The following NKAIN2 variants were observed in gnomAD, a reference collection of about 807,000 sequenced individuals.
NKAIN2 encodes the protein sodium/potassium-transporting ATPase subunit beta-1-interacting protein 2.
In NKAIN2, 14 loss-of-function variants were observed where a neutral mutation model predicts 32.6. That is an observed-to-expected ratio of 0.43 (90% CI 0.28 to 0.67). The LOEUF is 0.67. NKAIN2 is among the 30% of genes least tolerant of loss of function. The pLI is 0.17. For missense variants in NKAIN2, 198 were observed against 258.3 expected, an observed-to-expected ratio of 0.77 and a Z score of 1.60; for synonymous variants, 80 against 87.2, an observed-to-expected ratio of 0.92 and a Z score of 0.46.
intron 2 of NKAIN2, among the ~76,000 whole-genome samples, chr6:124,308,941 G>A (rs1475065212): frequency 2.0e-5 from 3 of 152,086 alleles, no homozygotes; most frequent in African/African-American, 7.2e-5. Flanking sequence ...TCTACAATTT[G>A]GAGTTTTAAA....
chr6:124,363,126 C>T (rs748264950), intron 3 of NKAIN2, among the ~76,000 whole-genome samples: 3 of 152,100 alleles, frequency 2.0e-5, no homozygotes, highest in Non-Finnish European at 2.9e-5. Flanking sequence ...TGAGCCACCA[C>T]GCTCAGCCAG....
At chr6:123,994,751 G>A (rs533195031) in intron 1 of NKAIN2, among the ~76,000 whole-genome samples, 3 of 152,234 alleles carry the variant, frequency 2.0e-5, no homozygotes, top group South Asian at 2.1e-4. Flanking sequence ...CGTATTAAAT[G>A]TGATATCCCT....
intron 1 of NKAIN2, among the ~76,000 whole-genome samples, chr6:123,905,802 A>G (rs1486390817): frequency 1.4e-4 from 22 of 152,224 alleles, no homozygotes; most frequent in Non-Finnish European, 1.5e-5. Flanking sequence ...TGTAACTAAG[A>G]CAGGAATCTC....
intron 3 of NKAIN2, among the ~76,000 whole-genome samples, chr6:124,430,484 C>T (rs1165607110): frequency 1.3e-5 from 2 of 152,106 alleles, no homozygotes; most frequent in African/African-American, 4.8e-5. Context: ...GTTTGGCCTG[C>T]AGTCTTCTAA....
chr6:124,302,011 T>C (rs1407508500), intron 2 of NKAIN2, among the ~76,000 whole-genome samples: 1 of 152,094 alleles, frequency 6.6e-6, no homozygotes, highest in Non-Finnish European at 1.5e-5. Context: ...CCGACCCAAA[T>C]CTCACCTTGA....
At chr6:123,979,185 G>A (rs559236352) in intron 1 of NKAIN2, among the ~76,000 whole-genome samples, 1 of 152,138 alleles carries the variant, frequency 6.6e-6, no homozygotes, top group African/African-American at 2.4e-5. Context: ...TGGGCAATGT[G>A]TAACTCTTAA....
chr6:124,055,916 G>A (rs1278644152), intron 1 of NKAIN2, among the ~76,000 whole-genome samples: 2 of 152,018 alleles, frequency 1.3e-5, no homozygotes, highest in Non-Finnish European at 2.9e-5. Flanking sequence ...AACTAAAATG[G>A]TTGAATTTGT....
intron 1 of NKAIN2, among the ~76,000 whole-genome samples, chr6:123,899,836 G>A (rs577981285): frequency 1.3e-5 from 2 of 152,254 alleles, no homozygotes; most frequent in East Asian, 3.9e-4. Flanking sequence ...CACACACAGG[G>A]TGCAGCCCTA....
At chr6:124,165,852 T>A (rs1788510459) in intron 1 of NKAIN2, among the ~76,000 whole-genome samples, 1 of 137,216 alleles carries the variant, frequency 7.3e-6, no homozygotes, top group Admixed American at 7.7e-5. Context: ...GAACTCATCA[T>A]TTTTTATGGC....
intron 1 of NKAIN2, among the ~76,000 whole-genome samples, chr6:124,236,909 G>A (rs925426059): frequency 2.6e-5 from 4 of 152,176 alleles, no homozygotes; most frequent in African/African-American, 9.6e-5. Flanking sequence ...CTCTGATGTG[G>A]AGAAAGACAG....
intron 4 of NKAIN2, among the ~76,000 whole-genome samples, chr6:124,708,677 T>G (rs1251276143): frequency 6.6e-6 from 1 of 152,176 alleles, no homozygotes; most frequent in East Asian, 1.9e-4. Context: ...GTGATTTTTG[T>G]ACATTGATTT....
At chr6:124,249,243 A>C (rs1171146808) in intron 1 of NKAIN2, among the ~76,000 whole-genome samples, 1 of 152,116 alleles carries the variant, frequency 6.6e-6, no homozygotes, top group Non-Finnish European at 1.5e-5. Flanking sequence ...AAATGGTAGT[A>C]CCAGGATACA....
chr6:124,546,455 ACCT>A (rs1780097315), intron 3 of NKAIN2, among the ~76,000 whole-genome samples: 1 of 152,014 alleles, frequency 6.6e-6, no homozygotes, highest in Non-Finnish European at 1.5e-5. Flanking sequence ...GGATTCATTC[ACCT>A]CCTGCTTCAG....
intron 1 of NKAIN2, among the ~76,000 whole-genome samples, chr6:124,144,295 A>G (rs1239769409): frequency 6.6e-6 from 1 of 152,208 alleles, no homozygotes; most frequent in East Asian, 1.9e-4. Context: ...CAAGAGAGAG[A>G]CTAACAAGTC....
At chr6:124,181,446 T>C (rs1420910049) in intron 1 of NKAIN2, among the ~76,000 whole-genome samples, 1 of 152,208 alleles carries the variant, frequency 6.6e-6, no homozygotes, top group Admixed American at 6.5e-5. Flanking sequence ...AAATGGGTTT[T>C]TGTTTTCTAC....
chr6:124,307,815 T>A (rs73571130), intron 2 of NKAIN2, among the ~76,000 whole-genome samples: 20,151 of 152,032 alleles, frequency 0.13, 1,501 homozygotes, highest in East Asian at 0.24. Flanking sequence ...GTTGCAATAG[T>A]GTTTGAAAAA....
chr6:124,295,885 T>G (rs2753159), intron 2 of NKAIN2, among the ~76,000 whole-genome samples: 30,973 of 152,042 alleles, frequency 0.2, 6,871 homozygotes, highest in African/African-American at 0.56. Context: ...ATACTAAAAA[T>G]AAATGAGACT....
At chr6:123,992,911 T>C (rs923713162) in intron 1 of NKAIN2, among the ~76,000 whole-genome samples, 2 of 152,320 alleles carry the variant, frequency 1.3e-5, no homozygotes, top group East Asian at 1.9e-4. Flanking sequence ...TCAAAACTAC[T>C]AAAGGCCCAT....
intron 1 of NKAIN2, among the ~76,000 whole-genome samples, chr6:124,027,720 T>TCAACTC (rs113651308): frequency 6.6e-6 from 1 of 151,230 alleles, no homozygotes; most frequent in African/African-American, 2.4e-5. Flanking sequence ...AAGTTCCAAA[T>TCAACTC]TAAATAGTTC....
Sources: gnomAD v4.1 joint callset for allele counts (sites outside exome capture counted in the v4.1 genomes callset) on GRCh38, gnomAD v4.1.1 for gene constraint, MANE v1.5 for transcripts, NCBI Gene and HGNC (gene_info 2026-07-23, HGNC 2026-07-21) for gene names.